Variants in ATP5PO observed in about 807,000 individuals in gnomAD.
ATP5PO encodes the protein ATP synthase peripheral stalk subunit OSCP.
Under a neutral mutation model 26.2 loss-of-function variants are expected in ATP5PO, and 14 were observed. The observed-to-expected ratio is 0.53, with a 90% CI of 0.35 to 0.83. The LOEUF is 0.83. ATP5PO is among the 40% of genes least tolerant of loss of function. The pLI is 0.01. For missense variants in ATP5PO, 241 were observed against 258.5 expected, an observed-to-expected ratio of 0.93 and a Z score of 0.46; for synonymous variants, 106 against 95.1, an observed-to-expected ratio of 1.12 and a Z score of -0.67.
chr21:33,911,137 C>T (rs1337064421), intron 3 of ATP5PO, among the ~76,000 whole-genome samples: 2 of 152,104 alleles, frequency 1.3e-5, no homozygotes, highest in South Asian at 2.1e-4. Context: ...CCAGTGGTGG[C>T]GCTAGAAAAT....
chr21:33,915,549 T>C, intron 1 of ATP5PO, 179 bp downstream of exon 1: 3 of 930,726 alleles, frequency 3.2e-6, no homozygotes, highest in South Asian at 3.3e-5. Context: ...TACTGCCCCG[T>C]AGGCATCCCG....
chr21:33,910,908 G>A (rs971779656), intron 3 of ATP5PO, among the ~76,000 whole-genome samples: 3 of 152,184 alleles, frequency 2.0e-5, no homozygotes, highest in African/African-American at 7.2e-5. Context: ...GTACAGAACA[G>A]TAATACTTAT....
intron 3 of ATP5PO, among the ~76,000 whole-genome samples, chr21:33,911,630 A>G (rs960887980): frequency 1.3e-5 from 2 of 149,004 alleles, no homozygotes; most frequent in Non-Finnish European, 3.0e-5. Flanking sequence ...CCAAATCACA[A>G]TATATTCTAA....
chr21:33,912,247 CA>C (rs1987258538), intron 3 of ATP5PO, 41 bp downstream of exon 3: 1 of 1,538,616 alleles, frequency 6.5e-7, no homozygotes, highest in East Asian at 2.3e-5. Context: ...AAAAAATATA[CA>C]AACAGGAACT....
At chr21:33,907,290 G>A (rs1569366325) in intron 5 of ATP5PO, 51 bp downstream of exon 5, 2 of 1,465,184 alleles carry the variant, frequency 1.4e-6, no homozygotes, top group East Asian at 2.3e-5. Context: ...CCTGCAAAAG[G>A]TGACACATGT....
rs537287884 is a variant in ATP5PO at position 33,903,631 on chromosome 21, C to A, written c.537G>T (p.Pro179=). 1.2e-6 allele frequency: 2 copies of A among 1,613,750 alleles called. No homozygotes were observed. Among genetic ancestry groups the A allele is most frequent in the Non-Finnish European group, 1.7e-6 (2 of 1,179,908 alleles). The change falls in exon 7 of 7, where the codon CCG becomes CCT. Residue 179 remains proline, a synonymous_variant. Coordinates refer to ENST00000290299, the MANE Select transcript of ATP5PO (RefSeq NM_001697.3). ...QVLKLEAKTD[P]SILGGMIVRI... ...GCACAATCATTCCACCCAAGATTGA[C>A]GGATCAGTCTACAAAAGAAGTAAGA...
chr21:33,909,278 A>G, intron 3 of ATP5PO, 67 bp from the exon 4 acceptor site: 1 of 1,516,132 alleles, frequency 6.6e-7, no homozygotes, highest in Non-Finnish European at 9.0e-7. Context: ...CCATGCACAC[A>G]CTTTCTTTCT....
At chr21:33,907,555 A>C in intron 4 of ATP5PO, 102 bp from the exon 5 acceptor site, 2 of 945,934 alleles carry the variant, frequency 2.1e-6, no homozygotes, top group South Asian at 1.5e-5. Flanking sequence ...TTGTGGCCTT[A>C]AAACACCATA....
At chr21:33,914,013 C>T (rs1263425373) in intron 2 of ATP5PO, among the ~76,000 whole-genome samples, 1 of 152,054 alleles carries the variant, frequency 6.6e-6, no homozygotes, top group Non-Finnish European at 1.5e-5. Flanking sequence ...CTCCTGACCT[C>T]GTGATCTGCC....
At chr21:33,906,053 A>C (rs1461991795) in intron 5 of ATP5PO, among the ~76,000 whole-genome samples, 1 of 152,042 alleles carries the variant, frequency 6.6e-6, no homozygotes, top group Non-Finnish European at 1.5e-5. Context: ...TAACTGATGC[A>C]GCCACAGAGG....
chr21:33,903,709 A>C, intron 6 of ATP5PO, 70 bp from the exon 7 acceptor site: 1 of 1,526,124 alleles, frequency 6.6e-7, no homozygotes, highest in Non-Finnish European at 9.1e-7. Context: ...AAGTGTTTTG[A>C]AAGGCTAAAT....
rs188716183 is a variant in ATP5PO at position 33,911,727 on chromosome 21, C to T, written c.198+562G>A. On this transcript the variant is annotated intron_variant, in intron 3 of 6. Transcript: ENST00000290299. ...ACCGTCCGGGGCTGGAGTGCAATGG[C>T]GCGATCTCGGCTCACTGCAACCTCG... Among the ~76,000 whole-genome samples the T allele has an allele frequency of 2.1e-3, 264 of 125,188 alleles. 1 individual carries two copies. The highest frequency in any genetic ancestry group is 7.6e-3 in the African/African-American group (252 of 33,054). The allele number at this position is 125,188 out of a possible 152,430, so 82.1% of individuals were successfully genotyped here.
rs78234759 is a variant in ATP5PO at position 33,912,379 on chromosome 21, A to G, written c.108T>C (p.Gly36=). The G allele has an allele frequency of 0.049, 78,564 of 1,611,672 alleles. 2,245 individuals carry two copies. Among genetic ancestry groups the G allele is most frequent in the Middle Eastern group, 0.11 (639 of 6,054 alleles). The change falls in exon 3 of 7, where the codon GGT becomes GGC. Residue 36 remains glycine (G), a synonymous_variant. Coordinates refer to ENST00000290299, the MANE Select transcript of ATP5PO (RefSeq NM_001697.3). ...GAGCTGTGGCATAGCGACCTTCAAT[A>G]CCGTATACCTGAACAGGAGGCTTTA... ...KLVRPPVQVY[G]IEGRYATALY...
chr21:33,912,448 T>C, intron 2 of ATP5PO, 49 bp from the exon 3 acceptor site: 1 of 1,329,644 alleles, frequency 7.5e-7, no homozygotes, highest in Non-Finnish European at 1.1e-6. Flanking sequence ...GAAAATCAGT[T>C]AATAGTATAC....
Position 33,904,005 on chromosome 21 carries a change from G to A in ATP5PO, c.458C>T (p.Thr153Ile). The A allele has an allele frequency of 6.2e-7, 1 of 1,612,750 alleles. No homozygotes were observed. The highest frequency in any genetic ancestry group is 1.1e-5 in the South Asian group (1 of 90,718). The change falls in exon 6 of 7, where the codon ACA (threonine) becomes ATA (isoleucine). Residue 153 changes from threonine to isoleucine, a missense_variant. Thr to Ile is a moderately conservative substitution (Grantham distance 89). Transcript: ENST00000290299. ...GAGGACAGTTTTTAATTCAGAGAGT[G>A]TGGCTTCTTCTAAAGGCTGAAAGGC... ...VTSASPLEEATLSELKTVLKS... is the reference protein window; with the variant it reads ...VTSASPLEEAILSELKTVLKS...
intron 2 of ATP5PO, among the ~76,000 whole-genome samples, chr21:33,912,870 C>T (rs534022165): frequency 1.2e-4 from 18 of 152,226 alleles, no homozygotes; most frequent in African/African-American, 4.3e-4. Flanking sequence ...TACACATTTT[C>T]CCTTACATAG....
intron 4 of ATP5PO, among the ~76,000 whole-genome samples, chr21:33,908,019 C>T (rs1398375917): frequency 2.6e-5 from 4 of 151,184 alleles, no homozygotes; most frequent in East Asian, 3.9e-4. Context: ...ATTAGCTGGG[C>T]ACTCAAAAAT....
At chr21:33,911,203 G>A (rs771626503) in intron 3 of ATP5PO, among the ~76,000 whole-genome samples, 2 of 152,114 alleles carry the variant, frequency 1.3e-5, no homozygotes, top group Non-Finnish European at 2.9e-5. Context: ...CGGTGAAAAC[G>A]AAAGCAGACA....
At chr21:33,909,946 TAC>T (rs1196480270) in intron 3 of ATP5PO, among the ~76,000 whole-genome samples, 2 of 152,180 alleles carry the variant, frequency 1.3e-5, no homozygotes, top group African/African-American at 2.4e-5. Flanking sequence ...CCCTGCCTCT[TAC>T]AGAGTCCAGG....
Sources: gnomAD v4.1 joint callset for allele counts (sites outside exome capture counted in the v4.1 genomes callset) on GRCh38, gnomAD v4.1.1 for gene constraint, MANE v1.5 for transcripts, NCBI Gene and HGNC (gene_info 2026-07-23, HGNC 2026-07-21) for gene names.